Variants in IL31RA observed in about 807,000 individuals in gnomAD.
IL31RA encodes interleukin-31 receptor subunit alpha.
Under a neutral mutation model 83.7 loss-of-function variants are expected in IL31RA, and 66 were observed. The observed-to-expected ratio is 0.79, with a 90% CI of 0.65 to 0.97. The LOEUF is 0.97. IL31RA is among the 50% of genes least tolerant of loss of function. The pLI is 0.00. For missense variants in IL31RA, 798 were observed against 919.4 expected (o/e 0.87, Z 1.71); for synonymous variants, 325 against 329.0 (o/e 0.99, Z 0.13).
In IL31RA at chr5:55,906,214, C is replaced by T. The variant is rs930325254; in HGVS notation, c.1178C>T (p.Pro393Leu). The T allele has an allele frequency of 2.0e-5, 32 of 1,614,036 alleles. No homozygotes were observed. Among genetic ancestry groups the T allele is most frequent in the Admixed American group, 3.3e-5 (2 of 60,006 alleles). The change falls in exon 9 of 15, where the codon CCG becomes CTG. Residue 393 changes from proline (P) to leucine (L), a missense_variant. Transcript: ENST00000652347. Reference protein sequence around the residue: ...DVNTWMIEWFPDVDSEPTTLS... With the variant: ...DVNTWMIEWFLDVDSEPTTLS... ...AACACTTGGATGATTGAATGGTTTC[C>T]GGATGTGGACTCAGAGCCCACCACC... is the stretch of plus-strand genomic sequence containing the variant.
chr5:55,913,418 T>C (rs1749614949), intron 12 of IL31RA, 59 bp from the exon 13 acceptor site: 1 of 1,048,826 alleles, frequency 9.5e-7, no homozygotes, highest in African/African-American at 1.6e-5. Flanking sequence ...AGTTAATCAT[T>C]GATTTTTGTC....
intron 7 of IL31RA, among the ~76,000 whole-genome samples, chr5:55,899,192 A>G (rs1241684900): frequency 6.6e-6 from 1 of 152,226 alleles, no homozygotes; most frequent in African/African-American, 2.4e-5. Flanking sequence ...AGTCCCACTT[A>G]TAAGTCCTGG....
chr5:55,847,358 G>C (rs1234458787), upstream of IL31RA, among the ~76,000 whole-genome samples: 2 of 152,054 alleles, frequency 1.3e-5, no homozygotes, highest in Non-Finnish European at 2.9e-5. Flanking sequence ...ACTTTGGGAA[G>C]CCAAGGCCGA....
upstream of IL31RA, among the ~76,000 whole-genome samples, chr5:55,847,782 G>A (rs986261465): frequency 6.6e-6 from 1 of 152,036 alleles, no homozygotes; most frequent in Non-Finnish European, 1.5e-5. Context: ...TCTGTTCCAG[G>A]ATCCAATGCA....
At chr5:55,855,148 T>A (rs1459571298) in intron 1 of IL31RA, among the ~76,000 whole-genome samples, 1 of 151,850 alleles carries the variant, frequency 6.6e-6, no homozygotes, top group African/African-American at 2.4e-5. Context: ...TCTTTGCCAT[T>A]TTTTATTTTT....
At chr5:55,876,104 T>C (rs749393544) in intron 4 of IL31RA, among the ~76,000 whole-genome samples, 11 of 152,202 alleles carry the variant, frequency 7.2e-5, no homozygotes, top group Non-Finnish European at 1.6e-4. Flanking sequence ...ACAGTGCTTT[T>C]AAGAGCAATT....
At chr5:55,857,399 G>A (rs546689628) in intron 1 of IL31RA, among the ~76,000 whole-genome samples, 3 of 152,254 alleles carry the variant, frequency 2.0e-5, no homozygotes, top group Non-Finnish European at 4.4e-5. Flanking sequence ...ACTGCGCCCA[G>A]CCTTTGTTCA....
chr5:55,875,619 G>A (rs936392420), intron 4 of IL31RA, among the ~76,000 whole-genome samples: 1 of 152,146 alleles, frequency 6.6e-6, no homozygotes, highest in South Asian at 2.1e-4. Context: ...AAGGGGACAA[G>A]ATTATTCACT....
chr5:55,872,430 T>C lies in IL31RA; in HGVS notation c.433T>C (p.Tyr145His). ...GDGVIKSHMT[Y>H]WRLENIAKTE... is the part of the protein sequence containing the mutation. ...TGGTGTAATTAAATCTCATATGACA[T>C]ACTGGAGATTAGAGAACATAGGTAA... Residue 145 changes from tyrosine to histidine, a missense_variant, in exon 4 of 15, where the codon TAC (tyrosine) becomes CAC (histidine). By Grantham distance (83) the Tyr-to-His change is moderately conservative. Coordinates refer to ENST00000652347, the MANE Select transcript of IL31RA (RefSeq NM_139017.7). The C allele has an allele frequency of 6.2e-7, 1 of 1,603,374 alleles. No individual in the cohort carries two copies. Among genetic ancestry groups the C allele is most frequent in the Non-Finnish European group, 8.5e-7 (1 of 1,170,522 alleles).
chr5:55,882,035 G>A (rs1432001305), intron 4 of IL31RA, among the ~76,000 whole-genome samples: 4 of 152,200 alleles, frequency 2.6e-5, no homozygotes, highest in South Asian at 2.1e-4. Flanking sequence ...TTACTGGGGA[G>A]CTGCCAATCA....
chr5:55,859,881 C>T (rs1438048012), intron 2 of IL31RA, among the ~76,000 whole-genome samples: 2 of 152,192 alleles, frequency 1.3e-5, no homozygotes, highest in African/African-American at 4.8e-5. Context: ...ATAGTAGTCT[C>T]TCCTTATCTG....
chr5:55,874,881 T>A (rs1251052757), intron 4 of IL31RA, among the ~76,000 whole-genome samples: 1 of 152,170 alleles, frequency 6.6e-6, no homozygotes, highest in Non-Finnish European at 1.5e-5. Context: ...CTAGTTGCCT[T>A]GTCTAGAACT....
At chr5:55,866,891 G>A (rs572276193) in intron 2 of IL31RA, 1 of 152,186 alleles carries the variant, frequency 6.6e-6, no homozygotes, top group African/African-American at 2.4e-5. Context: ...GGTAGAGACT[G>A]CCTTCCTAGG....
chr5:55,920,769 G>A lies in IL31RA; in HGVS notation c.*3649G>A, dbSNP rs1750054693. Among the ~76,000 whole-genome samples the A allele has an allele frequency of 6.6e-6, 1 of 152,178 alleles. No individual in the cohort carries two copies. The highest frequency in any genetic ancestry group is 1.5e-5 in the Non-Finnish European group (1 of 68,044). On this transcript the variant is annotated 3_prime_UTR_variant, in exon 15 of 15. Transcript: ENST00000652347. ...ATAAGGACTGCCCTCTTTGAAGGGT[G>A]CACACACACTTACTGGTTCCCCACC... is the stretch of plus-strand genomic sequence containing the variant.
intron 6 of IL31RA, among the ~76,000 whole-genome samples, chr5:55,893,684 T>A (rs72763880): frequency 0.077 from 11,748 of 152,224 alleles, 772 homozygotes; most frequent in African/African-American, 0.18. Context: ...AAGTCTATAC[T>A]GAGAAGACTG....
intron 2 of IL31RA, among the ~76,000 whole-genome samples, chr5:55,860,449 C>T (rs1463078210): frequency 6.6e-6 from 1 of 151,976 alleles, no homozygotes; most frequent in Non-Finnish European, 1.5e-5. Context: ...TTTCAGATGG[C>T]GTTGATCACT....
chr5:55,850,703 A>T (rs1048593258), upstream of IL31RA, among the ~76,000 whole-genome samples: 150 of 152,278 alleles, frequency 9.9e-4, no homozygotes, highest in African/African-American at 3.5e-3. Flanking sequence ...TTTTCAACCA[A>T]TCTTATGATT....
intron 4 of IL31RA, among the ~76,000 whole-genome samples, chr5:55,877,157 G>T (rs1394945365): frequency 3.3e-5 from 5 of 151,898 alleles, no homozygotes; most frequent in African/African-American, 1.2e-4. Context: ...TTACCATGGG[G>T]ACTACAAATA....
At position 55,873,194 on chromosome 5, in the gene IL31RA, A is replaced by G. The variant is rs929342747; in HGVS notation, c.454+743A>G. Among the ~76,000 whole-genome samples the G allele has an allele frequency of 5.3e-5, 8 of 152,290 alleles. No homozygotes were observed. In the South Asian group the frequency reaches 6.2e-4, roughly 12 times the overall value. On this transcript the variant is annotated intron_variant, in intron 4 of 14. Coordinates refer to ENST00000652347, the MANE Select transcript of IL31RA (RefSeq NM_139017.7). ...TTTTATCTAATTTCTTTCACTTAGC[A>G]TAATGTTTTCAAGGTTCATCAATGT...
Sources: gnomAD v4.1 joint callset for allele counts (sites outside exome capture counted in the v4.1 genomes callset) on GRCh38, gnomAD v4.1.1 for gene constraint, MANE v1.5 for transcripts, NCBI Gene and HGNC (gene_info 2026-07-23, HGNC 2026-07-21) for gene names.